The following TMC5 variants were observed in gnomAD, a reference collection of about 807,000 sequenced individuals.
The protein encoded by TMC5 is transmembrane channel like 5, also known as transmembrane channel-like protein 5.
Under a neutral mutation model 110.5 loss-of-function variants are expected in TMC5, and 86 were observed. The ratio of observed to expected loss-of-function variants is 0.78; its 90% CI spans 0.65 to 0.93. The LOEUF (loss-of-function observed/expected upper bound fraction) is 0.93. TMC5 is among the 40% of genes least tolerant of loss of function. TMC5 has a pLI of 0.00. For missense variants in TMC5, 1,144 were observed against 1,222.8 expected (o/e 0.94, Z 0.96); for synonymous variants, 455 against 439.5 (o/e 1.04, Z -0.44).
chr16:19,433,709 G>C (rs947596969), intron 2 of TMC5, among the ~76,000 whole-genome samples: 1 of 151,916 alleles, frequency 6.6e-6, no homozygotes, highest in African/African-American at 2.4e-5. Context: ...TTTAGTCTTG[G>C]CTAATAAGAA....
At chr16:19,417,875 G>A (rs1368860549), upstream of TMC5, 1 of 152,230 alleles carries the variant, frequency 6.6e-6, no homozygotes, top group East Asian at 1.9e-4. Flanking sequence ...AATGAGCTCA[G>A]TAAACAACCC....
chr16:19,449,153 A>G (rs530337048), intron 4 of TMC5, among the ~76,000 whole-genome samples: 10 of 151,966 alleles, frequency 6.6e-5, no homozygotes, highest in Non-Finnish European at 1.2e-4. Context: ...GCCCGGCCAC[A>G]TATACATATA....
rs1336705652 is a variant in TMC5, at chr16:19,430,642, T to C, written c.-80+2T>C. ...AGCAAGAACAATAAGGGCAAAAAAG[T>C]AAGTTTTCATACAGCTGAATTTATT... is the stretch of plus-strand genomic sequence containing the variant. On this transcript the variant is annotated splice_donor_variant, in intron 2 of 21. Transcript: ENST00000542583. LOFTEE classifies it low-confidence loss of function (5UTR_SPLICE). 6.6e-6 allele frequency: 1 copy of C among 152,214 alleles called. No individual in the cohort carries two copies. The highest frequency in any genetic ancestry group is 1.9e-4 in the East Asian group (1 of 5,196). The allele number at this position is 152,214 out of a possible 1,614,324, so 9.4% of individuals were successfully genotyped here. A position where few individuals can be genotyped will look rare whatever the true frequency, so the allele number is the denominator to read the frequency against.
chr16:19,479,446 A>G lies in TMC5; in HGVS notation c.2185A>G (p.Ile729Val), dbSNP rs1968563352. ...LSGEECWETL[I>V]GQDIYRLLLM... is the part of the protein sequence containing the mutation. ...TGCCTTCCAGTGTTGGGAAACCCTC[A>G]TTGGCCAGGACATCTACCGGCTCCT... The change falls in exon 14 of 22, where the codon ATT becomes GTT. Residue 729 changes from isoleucine to valine, a missense_variant. Coordinates refer to ENST00000542583, the MANE Select transcript of TMC5 (RefSeq NM_001261841.2). 1.3e-5 allele frequency: 21 copies of G among 1,613,830 alleles called. No homozygotes were observed. The highest frequency in any genetic ancestry group is 1.8e-5 in the Non-Finnish European group (21 of 1,179,898).
At position 19,440,756 on chromosome 16, in the gene TMC5, G is replaced by A. The variant is rs368925671; in HGVS notation, c.718G>A (p.Glu240Lys). The A allele has an allele frequency of 2.0e-5, 32 of 1,614,022 alleles. No individual in the cohort carries two copies. The African/African-American group carries it at 3.1e-4, about 15-fold the overall frequency. ...DNQNLPSTWR[E>K]PDYSDAENGH... ...TCAGAACTTGCCAAGCACTTGGAGAGAACCTGATTATTCAGATGCTGAGAA... is the reference window on the plus strand; with the variant it reads ...TCAGAACTTGCCAAGCACTTGGAGAAAACCTGATTATTCAGATGCTGAGAA... The change falls in exon 3 of 22, where the codon GAA (glutamate) becomes AAA (lysine). Residue 240 changes from glutamate to lysine, a missense_variant. Transcript: ENST00000542583.
upstream of TMC5, among the ~76,000 whole-genome samples, chr16:19,416,730 TG>T (rs937026151): frequency 6.6e-6 from 1 of 152,168 alleles, no homozygotes; most frequent in Non-Finnish European, 1.5e-5. Flanking sequence ...GACATGCCAT[TG>T]GTGATCATAA....
chr16:19,483,180 C>T (rs1399787872), intron 15 of TMC5, among the ~76,000 whole-genome samples: 1 of 152,110 alleles, frequency 6.6e-6, no homozygotes, highest in Non-Finnish European at 1.5e-5. Context: ...ATTTTTGAGA[C>T]AGGGTCTCAC....
At chr16:19,459,565 T>C (rs1171471612) in intron 5 of TMC5, among the ~76,000 whole-genome samples, 1 of 151,826 alleles carries the variant, frequency 6.6e-6, no homozygotes, top group East Asian at 1.9e-4. Flanking sequence ...TCTCTTGAGG[T>C]CAGAAGTTTG....
Position 19,431,072 on chromosome 16 carries a change from A to G in TMC5, c.-80+432A>G, listed in dbSNP as rs552978202. Reference sequence around the variant, plus strand: ...TTTTAAGTCAAATAAATGATGGTTCATTGGAACTAGTTAAAAACTTCTGTA... The same window carrying G: ...TTTTAAGTCAAATAAATGATGGTTCGTTGGAACTAGTTAAAAACTTCTGTA... On this transcript the variant is annotated intron_variant, in intron 2 of 21. Transcript: ENST00000542583. 7.9e-5 allele frequency among the ~76,000 whole-genome samples: 12 copies of G among 152,298 alleles called. No individual in the cohort carries two copies. In the South Asian group the frequency reaches 1.9e-3, roughly 24 times the overall value.
intron 1 of TMC5, chr16:19,411,361 T>C (rs959751710): frequency 2.0e-5 from 3 of 152,188 alleles, no homozygotes; most frequent in Non-Finnish European, 4.4e-5. Flanking sequence ...AGAGATTCTG[T>C]GAGCCTTGTT....
chr16:19,442,065 A>G (rs1967502237), intron 3 of TMC5, among the ~76,000 whole-genome samples: 1 of 151,956 alleles, frequency 6.6e-6, no homozygotes, highest in Admixed American at 6.6e-5. Flanking sequence ...AGCCTCCCAA[A>G]GTGCTGGGAT....
chr16:19,454,660 T>G (rs1229570160), intron 5 of TMC5, among the ~76,000 whole-genome samples: 1 of 152,176 alleles, frequency 6.6e-6, no homozygotes, highest in Non-Finnish European at 1.5e-5. Context: ...TGACATTTAA[T>G]GAAAGTGTGA....
At position 19,463,336 on chromosome 16, in the gene TMC5, G is replaced by T. The variant is rs1968077224; in HGVS notation, c.1205G>T (p.Cys402Phe). ...ACCCATCGTATCCTTCAGCTCAATTGCTGTATTCAGTGTCTGAACTCCATT... is the reference window on the plus strand; with the variant it reads ...ACCCATCGTATCCTTCAGCTCAATTTCTGTATTCAGTGTCTGAACTCCATT... ...KQTHRILQLN[C>F]CIQCLNSISR... The change falls in exon 7 of 22, where the codon TGC becomes TTC. Residue 402 changes from cysteine to phenylalanine, a missense_variant. Coordinates refer to ENST00000542583, the MANE Select transcript of TMC5 (RefSeq NM_001261841.2). 10 of 1,614,048 alleles carry T rather than the reference G, an allele frequency of 6.2e-6. No homozygotes were observed. Among genetic ancestry groups the T allele is most frequent in the Non-Finnish European group, 6.8e-6 (8 of 1,179,964 alleles).
chr16:19,433,926 T>A (rs1424536901), intron 2 of TMC5, among the ~76,000 whole-genome samples: 4 of 146,174 alleles, frequency 2.7e-5, no homozygotes, highest in Non-Finnish European at 6.0e-5. Context: ...GCTCAAGCGA[T>A]CCTCCCGCCT....
At position 19,449,612 on chromosome 16, in the gene TMC5, T is replaced by C. The variant is rs1424884985; in HGVS notation, c.1029T>C (p.Asp343=). The C allele has an allele frequency of 1.2e-6, 2 of 1,614,084 alleles. No homozygotes were observed. The highest frequency in any genetic ancestry group is 1.7e-5 in the Admixed American group (1 of 60,008). The part of the protein sequence containing the change: ...AYGNPPLSEC[D]WHKSPQGQKL... ...GAAACCCACCATTGTCTGAATGTGATTGGCACAAGTCACCCCAAGGTAAGT... is the reference window on the plus strand; with the variant it reads ...GAAACCCACCATTGTCTGAATGTGACTGGCACAAGTCACCCCAAGGTAAGT... The change falls in exon 5 of 22, where the codon GAT becomes GAC. Residue 343 remains aspartate (D), a synonymous_variant. Coordinates refer to ENST00000542583, the MANE Select transcript of TMC5 (RefSeq NM_001261841.2).
intron 1 of TMC5, among the ~76,000 whole-genome samples, chr16:19,425,829 G>A (rs1379379262): frequency 6.6e-6 from 1 of 152,172 alleles, no homozygotes; most frequent in Non-Finnish European, 1.5e-5. Flanking sequence ...TGGGATTACA[G>A]GCATGCACCA....
intron 2 of TMC5, among the ~76,000 whole-genome samples, chr16:19,434,403 T>TG: frequency 7.5e-6 from 1 of 133,364 alleles, no homozygotes; most frequent in African/African-American, 2.9e-5. Flanking sequence ...ATAATATATA[T>TG]ATCATATATA....
chr16:19,412,800 A>AGTT (rs1216605590), intron 1 of TMC5, among the ~76,000 whole-genome samples: 2 of 152,218 alleles, frequency 1.3e-5, no homozygotes, highest in Non-Finnish European at 2.9e-5. Flanking sequence ...ATGGCACAGT[A>AGTT]GTTGCATCCA....
chr16:19,481,146 A>AC (rs1271222240), intron 14 of TMC5, among the ~76,000 whole-genome samples: 4 of 152,114 alleles, frequency 2.6e-5, no homozygotes. Flanking sequence ...CTTTAGCAGT[A>AC]CCCCCACTAG....
Sources: gnomAD v4.1 joint callset for allele counts (sites outside exome capture counted in the v4.1 genomes callset) on GRCh38, gnomAD v4.1.1 for gene constraint, MANE v1.5 for transcripts, NCBI Gene and HGNC (gene_info 2026-07-23, HGNC 2026-07-21) for gene names.